Variants in MEGF10 observed in about 807,000 individuals in gnomAD.
The protein encoded by MEGF10 is multiple EGF like domains 10.
MEGF10 carries 86 observed loss-of-function variants against 147.5 expected under a neutral mutation model. That is an observed-to-expected ratio of 0.58 (90% CI 0.49 to 0.70). The LOEUF (loss-of-function observed/expected upper bound fraction) is 0.70, where lower values mean the gene tolerates loss of function less well. Ranked by LOEUF, MEGF10 falls within the 30% of genes least tolerant of loss-of-function variation. MEGF10 has a pLI of 0.00. For missense variants in MEGF10, 1,329 were observed against 1,487.3 expected (o/e 0.89, Z 1.75); for synonymous variants, 478 against 525.5 (o/e 0.91, Z 1.24).
the MEGF10 span, among the ~76,000 whole-genome samples, chr5:127,265,397 T>C: frequency 6.6e-6 from 1 of 152,210 alleles, no homozygotes; most frequent in Non-Finnish European, 1.5e-5. Flanking sequence ...CCTGTGTCTT[T>C]ATAGCAGCAT....
intron 1 of MEGF10, among the ~76,000 whole-genome samples, chr5:127,328,009 G>A (rs1161638447): frequency 1.3e-5 from 2 of 152,036 alleles, no homozygotes; most frequent in East Asian, 1.9e-4. Flanking sequence ...GAGCCACCAC[G>A]CCTGGCCTAA....
the MEGF10 span, among the ~76,000 whole-genome samples, chr5:127,252,939 C>T: frequency 6.6e-6 from 1 of 151,658 alleles, no homozygotes; most frequent in Non-Finnish European, 1.5e-5. Flanking sequence ...AATTTTAATT[C>T]ATTTAATATG....
At chr5:127,291,900 G>A (rs1306135843) in intron 1 of MEGF10, among the ~76,000 whole-genome samples, 2 of 152,182 alleles carry the variant, frequency 1.3e-5, no homozygotes, top group African/African-American at 4.8e-5. Context: ...GAAAGTCAAA[G>A]TTGGAGATCT....
At chr5:127,284,745 A>AT in the MEGF10 span, among the ~76,000 whole-genome samples, 1 of 152,230 alleles carries the variant, frequency 6.6e-6, no homozygotes, top group South Asian at 2.1e-4. Flanking sequence ...CCCCACTTCT[A>AT]TTTTTTTAAG....
chr5:127,446,102 G>T (rs1261628618), intron 20 of MEGF10, among the ~76,000 whole-genome samples: 3 of 152,150 alleles, frequency 2.0e-5, no homozygotes, highest in African/African-American at 7.2e-5. Context: ...GTGCTTCCCA[G>T]CCTCTCCCTA....
At chr5:127,362,702 A>G (rs998873157) in intron 4 of MEGF10, among the ~76,000 whole-genome samples, 10 of 152,122 alleles carry the variant, frequency 6.6e-5, no homozygotes, top group Non-Finnish European at 8.8e-5. Flanking sequence ...TCTTGTACTT[A>G]TAAGCAGCAT....
At chr5:127,335,644 A>G (rs748363478) in intron 2 of MEGF10, among the ~76,000 whole-genome samples, 5 of 152,186 alleles carry the variant, frequency 3.3e-5, no homozygotes, top group Non-Finnish European at 7.3e-5. Context: ...TTTGAAGACT[A>G]TGTACTAACA....
chr5:127,369,504 A>G (rs1762774192), intron 4 of MEGF10, among the ~76,000 whole-genome samples: 2 of 152,214 alleles, frequency 1.3e-5, no homozygotes, highest in Admixed American at 6.5e-5. Flanking sequence ...ATACATAATC[A>G]TAATACTCCC....
At chr5:127,451,890 T>A (rs1479529327) in intron 22 of MEGF10, among the ~76,000 whole-genome samples, 1 of 152,204 alleles carries the variant, frequency 6.6e-6, no homozygotes, top group Non-Finnish European at 1.5e-5. Flanking sequence ...GTGCTTTAAA[T>A]GATGGAATAG....
intron 5 of MEGF10, among the ~76,000 whole-genome samples, chr5:127,379,080 TTTG>T (rs1363079057): frequency 3.4e-4 from 51 of 150,432 alleles, no homozygotes; most frequent in African/African-American, 1.2e-3. Flanking sequence ...TTTTTTTTTT[TTTG>T]ATACTTGGTG....
intron 4 of MEGF10, among the ~76,000 whole-genome samples, chr5:127,341,613 C>CTGTA (rs1399398427): frequency 6.6e-6 from 1 of 152,094 alleles, no homozygotes; most frequent in Admixed American, 6.6e-5. Flanking sequence ...GGATTCTATT[C>CTGTA]TGTATGCAGA....
At position 127,310,873 on chromosome 5, in the gene MEGF10, G is replaced by T. The variant is rs537745467; in HGVS notation, c.-19+19817G>T. Among the ~76,000 whole-genome samples the T allele has an allele frequency of 4.6e-5, 7 of 152,208 alleles. No individual in the cohort carries two copies. In the South Asian group the frequency reaches 1.5e-3, roughly 32 times the overall value. On this transcript the variant is annotated intron_variant, in intron 1 of 24. Transcript: ENST00000503335. ...GCAAGGAGTCTGTGACACCAAACTG[G>T]ACTGCCATTTGTCTAAGAAGGCTGA...
At chr5:127,327,352 C>T (rs1431992859) in intron 1 of MEGF10, among the ~76,000 whole-genome samples, 2 of 152,220 alleles carry the variant, frequency 1.3e-5, no homozygotes, top group African/African-American at 4.8e-5. Context: ...AAGAGGAAGT[C>T]TGAGTGGGTG....
At chr5:127,243,798 CA>C in the MEGF10 span, among the ~76,000 whole-genome samples, 1 of 152,082 alleles carries the variant, frequency 6.6e-6, no homozygotes, top group Non-Finnish European at 1.5e-5. Context: ...TTTGGCTGTT[CA>C]TGCTGGAAAA....
intron 5 of MEGF10, among the ~76,000 whole-genome samples, chr5:127,380,367 G>A (rs1354537768): frequency 3.3e-5 from 5 of 152,222 alleles, no homozygotes; most frequent in South Asian, 2.1e-4. Context: ...CAAAGCATCC[G>A]AAGCAGCCAG....
intron 1 of MEGF10, among the ~76,000 whole-genome samples, chr5:127,294,485 A>G (rs532089812): frequency 7.2e-5 from 11 of 152,308 alleles, no homozygotes; most frequent in African/African-American, 2.6e-4. Flanking sequence ...GTTTGGCTAG[A>G]CATAGCCTAG....
Position 127,445,595 on chromosome 5 carries a change from T to C in MEGF10, c.2630T>C (p.Ile877Thr). 12 of 1,614,108 alleles carry C rather than the reference T, an allele frequency of 7.4e-6. No individual in the cohort carries two copies. The highest frequency in any genetic ancestry group is 1.0e-5 in the Non-Finnish European group (12 of 1,180,016). Residue 877 changes from isoleucine (I) to threonine (T), a missense_variant, in exon 20 of 25, where the codon ATT becomes ACT. Ile to Thr is a moderately conservative substitution (Grantham distance 89). Around this residue, in one of 3 missense-constraint regions of MEGF10, gnomAD observed 343 missense variants for 377.9 expected, o/e 0.91. Transcript: ENST00000503335. ...GTTCTCTTCCTACTGGCATTGTTCA[T>C]TATTTATAGACACAAGCAGAAGGGA... ...LVVLFLLALFIIYRHKQKGKE... is the reference protein window; with the variant it reads ...LVVLFLLALFTIYRHKQKGKE...
At chr5:127,331,951 C>T (rs889810301) in intron 2 of MEGF10, among the ~76,000 whole-genome samples, 3 of 151,772 alleles carry the variant, frequency 2.0e-5, no homozygotes, top group African/African-American at 7.3e-5. Context: ...GAGTGGGTTG[C>T]AATGATTGGA....
chr5:127,413,829 C>G (rs910043260), intron 9 of MEGF10, among the ~76,000 whole-genome samples: 2 of 152,206 alleles, frequency 1.3e-5, no homozygotes, highest in African/African-American at 4.8e-5. Flanking sequence ...AGTCTGAAAA[C>G]CAGTGTGCTG....
Sources: allele counts gnomAD v4.1 joint callset (sites outside exome capture counted in the v4.1 genomes callset), GRCh38; gene constraint gnomAD v4.1.1; regional missense constraint gnomAD v4.1.1; transcripts MANE v1.5; gene names NCBI Gene and HGNC (gene_info 2026-07-23, HGNC 2026-07-21).